The following PDE10A variants were observed in gnomAD, a reference collection of about 807,000 sequenced individuals.
The protein encoded by PDE10A is phosphodiesterase 10A, also known as cAMP and cAMP-inhibited cGMP 3',5'-cyclic phosphodiesterase 10A.
In PDE10A, 39 loss-of-function variants were observed where a neutral mutation model predicts 97.7. That is an observed-to-expected ratio of 0.40 (90% CI 0.31 to 0.52). The LOEUF (loss-of-function observed/expected upper bound fraction) is 0.52. Among genes scored for constraint, PDE10A ranks in the 20% least tolerant of loss-of-function variants. The probability of loss-of-function intolerance (pLI) is 0.56; values close to 1 mark genes in which losing one functional copy is unlikely to be tolerated. For missense variants in PDE10A, 731 were observed against 1,047.8 expected (o/e 0.70, Z 4.17); for synonymous variants, 371 against 376.8 (o/e 0.98, Z 0.18).
At chr6:165,468,081 ATTTAT>A (rs1778764708) in intron 3 of PDE10A, among the ~76,000 whole-genome samples, 1 of 151,828 alleles carries the variant, frequency 6.6e-6, no homozygotes, top group Admixed American at 6.6e-5. Context: ...ACATAATTTT[ATTTAT>A]TTTGTTTTTT....
At position 165,442,725 on chromosome 6, in the gene PDE10A, C is replaced by G. The variant is rs534966630; in HGVS notation, c.1194+6203G>C. 1.7e-4 allele frequency among the ~76,000 whole-genome samples: 26 copies of G among 152,220 alleles called. No individual in the cohort carries two copies. The South Asian group carries it at 2.5e-3, about 15-fold the overall frequency. On this transcript the variant is annotated intron_variant, in intron 5 of 21. Transcript: ENST00000539869. ...AGAGTCAAACCATATCATTCTACCT[C>G]TGGCCTCTCCCAAATATCATGTCCT...
chr6:165,486,835 T>C (rs1293007483), intron 2 of PDE10A, among the ~76,000 whole-genome samples: 2 of 152,318 alleles, frequency 1.3e-5, no homozygotes, highest in African/African-American at 4.8e-5. Flanking sequence ...CAGGGGAGAA[T>C]GACAGCTGTG....
At chr6:165,727,029 G>C (rs765679038) in intron 1 of PDE10A, among the ~76,000 whole-genome samples, 1 of 152,174 alleles carries the variant, frequency 6.6e-6, no homozygotes, top group African/African-American at 2.4e-5. Context: ...CCCTGGGACC[G>C]AGCACGTGGG....
intron 1 of PDE10A, among the ~76,000 whole-genome samples, chr6:165,914,643 C>T (rs892240372): frequency 8.5e-5 from 13 of 152,298 alleles, no homozygotes; most frequent in South Asian, 2.1e-4. Flanking sequence ...GGATGAGATA[C>T]GTGAACCATC....
At chr6:165,707,829 T>C (rs1279081457) in intron 1 of PDE10A, among the ~76,000 whole-genome samples, 1 of 152,036 alleles carries the variant, frequency 6.6e-6, no homozygotes, top group Admixed American at 6.6e-5. Flanking sequence ...GCTCTTTTCC[T>C]TTAGGGGATC....
At chr6:165,450,827 TG>T in intron 3 of PDE10A, among the ~76,000 whole-genome samples, 1 of 152,180 alleles carries the variant, frequency 6.6e-6, no homozygotes, top group African/African-American at 2.4e-5. Flanking sequence ...ACTCTCAAAG[TG>T]CTGGGATTGA....
chr6:165,786,452 G>T (rs965597397), intron 1 of PDE10A, among the ~76,000 whole-genome samples: 2 of 152,208 alleles, frequency 1.3e-5, no homozygotes, highest in Non-Finnish European at 2.9e-5. Context: ...CTTAACTTGG[G>T]TTAGTATCAA....
intron 1 of PDE10A, among the ~76,000 whole-genome samples, chr6:165,967,205 A>T (rs578130356): frequency 6.6e-6 from 1 of 152,336 alleles, no homozygotes; most frequent in Admixed American, 6.5e-5. Flanking sequence ...AAACAAATAA[A>T]TACAAATTAT....
chr6:165,930,355 G>A (rs1783093697), intron 1 of PDE10A, among the ~76,000 whole-genome samples: 1 of 152,190 alleles, frequency 6.6e-6, no homozygotes, highest in South Asian at 2.1e-4. Flanking sequence ...AGAGAAGAGA[G>A]AGGGTGTGGG....
chr6:165,430,297 C>T lies in PDE10A; in HGVS notation c.1591G>A (p.Asp531Asn), dbSNP rs943178993. The T allele has an allele frequency of 2.5e-6, 4 of 1,607,284 alleles. No individual in the cohort carries two copies. Among genetic ancestry groups the T allele is most frequent in the South Asian group, 1.1e-5 (1 of 90,570 alleles). ...GAAATGAACACTTACTTTGATACGT[C>T]GAGTAGGAAGTCATTCAATTCTGTC... ...KQTELNDFLLDVSKTYFDNIV... is the reference protein window; with the variant it reads ...KQTELNDFLLNVSKTYFDNIV... Residue 531 changes from aspartate to asparagine, a missense_variant, in exon 9 of 22, where the codon GAC becomes AAC. Coordinates refer to ENST00000539869, the MANE Select transcript of PDE10A (RefSeq NM_001385079.1).
At chr6:165,769,530 A>C (rs1777948698) in intron 1 of PDE10A, among the ~76,000 whole-genome samples, 1 of 152,196 alleles carries the variant, frequency 6.6e-6, no homozygotes, top group Admixed American at 6.5e-5. Flanking sequence ...TGCCAAAGAA[A>C]AGAATGTATG....
chr6:165,437,277 T>C (rs1790093457), intron 5 of PDE10A, among the ~76,000 whole-genome samples: 1 of 152,176 alleles, frequency 6.6e-6, no homozygotes, highest in South Asian at 2.1e-4. Flanking sequence ...CAAGGCTGAA[T>C]TTAATCACAT....
intron 1 of PDE10A, among the ~76,000 whole-genome samples, chr6:165,817,600 T>TCAACGCATACATGGATGGCTGGTCCCTG (rs1779453827): frequency 6.6e-6 from 1 of 152,048 alleles, no homozygotes; most frequent in Non-Finnish European, 1.5e-5. Flanking sequence ...GTAGAATGAG[T>TCAACGCATACATGGATGGCTGGTCCCTG]CAACGCATAC....
rs1403653913 is a variant in PDE10A, at chr6:165,619,046, AGTCTAGTGTG to A, written c.865+42891_865+42900del. Among the ~76,000 whole-genome samples the A allele has an allele frequency of 1.0e-3, 157 of 150,362 alleles. 1 individual carries two copies. The highest frequency in any genetic ancestry group is 3.8e-3 in the African/African-American group (151 of 39,864). On this transcript the variant is annotated intron_variant, in intron 1 of 21. Coordinates refer to ENST00000539869, the MANE Select transcript of PDE10A (RefSeq NM_001385079.1). ...AGCATAGTCTAGTGTAGTGTAGTGT[AGTCTAGTGTG>A]GTGTAGTGTAGTGTAGTGTAGTCTA...
chr6:165,586,080 C>G (rs1357647563), intron 1 of PDE10A, among the ~76,000 whole-genome samples: 1 of 152,120 alleles, frequency 6.6e-6, no homozygotes. Flanking sequence ...AACGGGAATT[C>G]CTGACAAACA....
At chr6:165,415,831 G>A (rs1788272047) in intron 12 of PDE10A, among the ~76,000 whole-genome samples, 1 of 152,128 alleles carries the variant, frequency 6.6e-6, no homozygotes, top group Non-Finnish European at 1.5e-5. Flanking sequence ...CTTACTATGT[G>A]TTGCAGCCTT....
At chr6:165,675,380 G>A (rs776242017) in intron 1 of PDE10A, among the ~76,000 whole-genome samples, 7 of 152,044 alleles carry the variant, frequency 4.6e-5, no homozygotes, top group South Asian at 2.1e-4. Context: ...ATATACAAGA[G>A]TTTATTTTTA....
intron 1 of PDE10A, among the ~76,000 whole-genome samples, chr6:165,938,187 G>C (rs1389172271): frequency 6.6e-6 from 1 of 152,202 alleles, no homozygotes; most frequent in Non-Finnish European, 1.5e-5. Context: ...AGTAACTCAA[G>C]GTAAAACAAC....
chr6:165,674,272 A>G (rs1308992523), intron 1 of PDE10A, among the ~76,000 whole-genome samples: 2 of 151,768 alleles, frequency 1.3e-5, no homozygotes, highest in Non-Finnish European at 2.9e-5. Flanking sequence ...GACCAAGATT[A>G]TGTGTATGGA....
Sources: allele counts gnomAD v4.1 joint callset (sites outside exome capture counted in the v4.1 genomes callset), GRCh38; gene constraint gnomAD v4.1.1; transcripts MANE v1.5; gene names NCBI Gene and HGNC (gene_info 2026-07-23, HGNC 2026-07-21).